Variants in BIN2 observed in about 807,000 individuals in gnomAD.
BIN2 encodes breast cancer associated protein BRAP1.
Under a neutral mutation model 67.9 loss-of-function variants are expected in BIN2, and 43 were observed. The observed-to-expected ratio is 0.63, with a 90% CI of 0.50 to 0.82. BIN2 has a LOEUF of 0.82. BIN2 is among the 40% of genes least tolerant of loss of function. The pLI, the probability that BIN2 is intolerant of heterozygous loss-of-function variation, is 0.00. For synonymous variants in BIN2, 244 were observed against 246.8 expected (o/e 0.99, Z 0.11); for missense variants, 581 against 671.6 (o/e 0.87, Z 1.49).
intron 9 of BIN2, among the ~76,000 whole-genome samples, 158 bp downstream of exon 9, chr12:51,295,638 A>G: frequency 7.0e-6 from 1 of 143,400 alleles, no homozygotes; most frequent in Non-Finnish European, 1.5e-5. Flanking sequence ...ATATTTAGTA[A>G]AAAGCAAAAT....
intron 2 of BIN2, among the ~76,000 whole-genome samples, chr12:51,310,966 C>T (rs1240901822): frequency 1.3e-5 from 2 of 151,872 alleles, no homozygotes; most frequent in Non-Finnish European, 2.9e-5. Flanking sequence ...GCCATGTTGC[C>T]CAGGCTGGTC....
chr12:51,297,104 G>A lies in BIN2; in HGVS notation c.663C>T (p.Tyr221=), dbSNP rs765176506. ...QNISNLRDVF[Y]REMSKLNHNL... ...CACCTCTCACCTTGCTCATTTCCCT[G>A]TAGAAGACATCCCTCAAGTTGGAAA... is the stretch of plus-strand genomic sequence containing the variant. Residue 221 remains tyrosine (Y), a synonymous_variant, in exon 8 of 13, where the codon TAC becomes TAT. Transcript: ENST00000615107. 1.2e-6 allele frequency: 2 copies of A among 1,613,890 alleles called. No individual in the cohort carries two copies. The highest frequency in any genetic ancestry group is 1.7e-6 in the Non-Finnish European group (2 of 1,179,804).
chr12:51,312,768 A>G (rs1468631470), intron 2 of BIN2, among the ~76,000 whole-genome samples: 3 of 152,190 alleles, frequency 2.0e-5, no homozygotes, highest in African/African-American at 4.8e-5. Context: ...AACAACAACA[A>G]AAAGTTCAAA....
At chr12:51,316,328 CA>C (rs3059178) in intron 1 of BIN2, among the ~76,000 whole-genome samples, 25,774 of 123,222 alleles carry the variant, frequency 0.21, 2,698 homozygotes, top group Middle Eastern at 0.31. Flanking sequence ...ACTAAAAATA[CA>C]AAAAAAAAAA....
chr12:51,288,751 CTTT>C (rs11286254), intron 10 of BIN2, among the ~76,000 whole-genome samples: 31 of 141,374 alleles, frequency 2.2e-4, no homozygotes, highest in Middle Eastern at 3.6e-3. Context: ...TATCCTAGAT[CTTT>C]TTTTTTTTTT....
chr12:51,295,392 C>CAAA (rs1178848004), intron 9 of BIN2, among the ~76,000 whole-genome samples: 2 of 91,772 alleles, frequency 2.2e-5, no homozygotes, highest in African/African-American at 4.2e-5. Context: ...ACTAAAAATA[C>CAAA]AAAAAAAAAA....
intron 2 of BIN2, among the ~76,000 whole-genome samples, chr12:51,304,820 T>C (rs1312708127): frequency 2.1e-5 from 3 of 146,280 alleles, no homozygotes; most frequent in Admixed American, 6.9e-5. Flanking sequence ...ATCAAGGCCA[T>C]CCTGGCTAAC....
At chr12:51,295,306 T>C (rs1343214874) in intron 9 of BIN2, among the ~76,000 whole-genome samples, 2 of 149,000 alleles carry the variant, frequency 1.3e-5, no homozygotes, top group African/African-American at 2.5e-5. Flanking sequence ...CCCAGCACTT[T>C]GTGAGGCCGA....
At chr12:51,323,056 C>T (rs1946326676) in intron 1 of BIN2, 1 of 152,060 alleles carries the variant, frequency 6.6e-6, no homozygotes. Flanking sequence ...TCTTAGAAAA[C>T]CAAAACTTCT....
intron 2 of BIN2, among the ~76,000 whole-genome samples, chr12:51,305,591 T>C (rs1349002097): frequency 1.4e-5 from 2 of 145,322 alleles, no homozygotes; most frequent in Non-Finnish European, 3.0e-5. Context: ...ACCACTGTAC[T>C]CCACCCTGGG....
At position 51,302,523 on chromosome 12, in the gene BIN2, C is replaced by T. The variant is rs1023736615; in HGVS notation, c.312+163G>A. ...TAGGGAAAACTTGTTTTTACCTTAA[C>T]AGTTGTAGCTTCTTCCTACCACCCA... On this transcript the variant is annotated intron_variant, in intron 4 of 12. Transcript: ENST00000615107. The T allele has an allele frequency of 9.2e-6, 6 of 653,062 alleles. No homozygotes were observed. In the African/African-American group the frequency reaches 1.1e-4, roughly 12 times the overall value. 40.5% of individuals were successfully genotyped at this position (653,062 alleles called of 1,614,324 possible).
chr12:51,312,505 T>C (rs866962767), intron 2 of BIN2, among the ~76,000 whole-genome samples: 3 of 152,216 alleles, frequency 2.0e-5, no homozygotes, highest in South Asian at 2.1e-4. Flanking sequence ...TATCTTTTTC[T>C]CTTAGACAGC....
chr12:51,282,844 T>G (rs1038146090), intron 12 of BIN2, among the ~76,000 whole-genome samples: 1 of 151,974 alleles, frequency 6.6e-6, no homozygotes, highest in Non-Finnish European at 1.5e-5. Flanking sequence ...TCTCAAGTGA[T>G]CTGCCTGCCT....
intron 3 of BIN2, 145 bp from the exon 4 acceptor site, chr12:51,302,925 G>A: frequency 8.9e-7 from 1 of 1,125,092 alleles, no homozygotes; most frequent in Non-Finnish European, 1.3e-6. Context: ...GGATGGGGCT[G>A]AAAGGAAAAG....
At chr12:51,297,054 C>A (rs1463783106) in intron 8 of BIN2, 35 bp downstream of exon 8, 2 of 1,559,936 alleles carry the variant, frequency 1.3e-6, no homozygotes, top group Admixed American at 3.4e-5. Context: ...CTAGAAAACA[C>A]ACCTAGGAGC....
intron 2 of BIN2, among the ~76,000 whole-genome samples, chr12:51,304,742 C>T (rs112453118): frequency 6.6e-6 from 1 of 152,216 alleles, no homozygotes; most frequent in East Asian, 1.9e-4. Flanking sequence ...ACTGGCCAGG[C>T]GCAGTGGCTC....
intron 12 of BIN2, 78 bp from the exon 13 acceptor site, chr12:51,281,606 G>A (rs1945121758): frequency 6.9e-7 from 1 of 1,455,638 alleles, no homozygotes; most frequent in Non-Finnish European, 9.7e-7. Flanking sequence ...AACTCAGTTT[G>A]CTTCTACTGA....
Position 51,291,680 on chromosome 12 carries a change from C to T in BIN2, c.1426G>A (p.Val476Ile). 1 of 1,613,814 alleles carries T rather than the reference C, an allele frequency of 6.2e-7. No homozygotes were observed. Among genetic ancestry groups the T allele is most frequent in the South Asian group, 1.1e-5 (1 of 91,068 alleles). ...TTTTCTTTGGCCTCAGGAGTTCTTA[C>T]TGGCTTCTCTGGTGGTTCTGGATTA... ...SPNPEPPEKP[V>I]RTPEAKENEN... The change falls in exon 10 of 13, where the codon GTA (valine) becomes ATA (isoleucine). Residue 476 changes from valine to isoleucine, a missense_variant. By Grantham distance (29) the Val-to-Ile change is conservative (BLOSUM62 3). Transcript: ENST00000615107.
At chr12:51,315,983 G>A (rs1029689662) in intron 1 of BIN2, among the ~76,000 whole-genome samples, 4 of 152,172 alleles carry the variant, frequency 2.6e-5, no homozygotes, top group South Asian at 2.1e-4. Context: ...TTAGAATCTC[G>A]GGAGTTGCCT....
Sources: allele counts gnomAD v4.1 joint callset (sites outside exome capture counted in the v4.1 genomes callset), GRCh38; gene constraint gnomAD v4.1.1; transcripts MANE v1.5; gene names NCBI Gene and HGNC (gene_info 2026-07-23, HGNC 2026-07-21).